PAX2: variants seen among roughly 807,000 people sequenced by gnomAD.
PAX2 encodes paired box protein Pax-2.
A neutral mutation model predicts 41.7 loss-of-function variants in PAX2; 9 were observed. The observed-to-expected ratio is 0.22, with a 90% CI of 0.13 to 0.38. The LOEUF (loss-of-function observed/expected upper bound fraction) is 0.38. PAX2 is among the 10% of genes least tolerant of loss of function. The pLI is 1.00. For synonymous variants in PAX2, 221 were observed against 212.7 expected (o/e 1.04, Z -0.34); for missense variants, 418 against 531.6 (o/e 0.79, Z 2.10).
intron 5 of PAX2, among the ~76,000 whole-genome samples, chr10:100,804,350 G>T (rs1275343828): frequency 1.3e-5 from 2 of 151,454 alleles, no homozygotes; most frequent in Admixed American, 6.6e-5. Flanking sequence ...TCTACACAGA[G>T]GCATGAGGAG....
intron 5 of PAX2, among the ~76,000 whole-genome samples, chr10:100,789,442 A>C (rs1589858334): frequency 6.6e-6 from 1 of 152,240 alleles, no homozygotes; most frequent in South Asian, 2.1e-4. Context: ...TGCTCTGTGG[A>C]TTATTGGTGG....
In PAX2 at chr10:100,750,316, G is replaced by A. The variant is rs187962632; in HGVS notation, c.213-378G>A. ...CAGAAGGAGGGTCCTGGTTCCCACA[G>A]ATGCTCTGTGCCCAGTAGGAAAGGG... On this transcript the variant is annotated intron_variant, in intron 2 of 9. Coordinates refer to ENST00000355243, the MANE Select transcript of PAX2 (RefSeq NM_000278.5). The surrounding 1 kb of genome is among the most constrained non-coding windows in gnomAD (Gnocchi z 4.1). Among the ~76,000 whole-genome samples the A allele has an allele frequency of 1.3e-5, 2 of 152,130 alleles. No individual in the cohort carries two copies. The highest frequency in any genetic ancestry group is 4.8e-5 in the African/African-American group (2 of 41,430).
intron 3 of PAX2, among the ~76,000 whole-genome samples, chr10:100,758,931 G>A (rs1015257144): frequency 6.6e-6 from 1 of 152,210 alleles, no homozygotes; most frequent in Non-Finnish European, 1.5e-5. Context: ...CCCTATAGCC[G>A]GAGGAGGAGA....
In PAX2 at chr10:100,750,641, C is replaced by A. The variant is rs1287116733; in HGVS notation, c.213-53C>A. ...CAGCAGCTCTGGAACCTGCAGCCCC[C>A]CTGCCCCGCCACAGTCCGCTTCTGG... is the stretch of plus-strand genomic sequence containing the variant. On this transcript the variant is annotated intron_variant, in intron 2 of 9. Coordinates refer to ENST00000355243, the MANE Select transcript of PAX2 (RefSeq NM_000278.5). This position sits in a 1 kb window ranked among gnomAD's most constrained non-coding sequence, Gnocchi z 4.1. 4 of 1,516,340 alleles carry A rather than the reference C, an allele frequency of 2.6e-6. No individual in the cohort carries two copies. The highest frequency in any genetic ancestry group is 1.4e-5 in the African/African-American group (1 of 73,074). The allele number at this position is 1,516,340 out of a possible 1,614,324, so 93.9% of individuals were successfully genotyped here.
Position 100,749,665 on chromosome 10 carries a change from C to T in PAX2, c.44-81C>T, listed in dbSNP as rs747415760. 2.1e-5 allele frequency: 32 copies of T among 1,546,226 alleles called. No individual in the cohort carries two copies. The African/African-American group carries it at 3.5e-4, about 17-fold the overall frequency. ...CTTCCGCCCTGCCTGCTTCCTTCGC[C>T]CGTCCCGGGCCGCGGACCCTGACTA... On this transcript the variant is annotated intron_variant, in intron 1 of 9. Transcript: ENST00000355243.
intron 3 of PAX2, among the ~76,000 whole-genome samples, chr10:100,757,599 C>T (rs950452210): frequency 4.6e-5 from 7 of 152,234 alleles, no homozygotes; most frequent in African/African-American, 1.7e-4. Flanking sequence ...CCAACACAAT[C>T]CTTCCTCCAA....
chr10:100,760,048 G>A (rs1446396479), intron 3 of PAX2, among the ~76,000 whole-genome samples: 1 of 152,182 alleles, frequency 6.6e-6, no homozygotes, highest in African/African-American at 2.4e-5. Context: ...TGATTTTGGA[G>A]GGCAAGCAGT....
intron 5 of PAX2, among the ~76,000 whole-genome samples, chr10:100,803,280 C>T (rs1005653948): frequency 2.0e-5 from 3 of 151,990 alleles, no homozygotes; most frequent in Non-Finnish European, 4.4e-5. Context: ...CCCTTTCTTC[C>T]CCTCCTTCTT....
chr10:100,825,118 A>G (rs1012646390), intron 8 of PAX2: 2 of 782,594 alleles, frequency 2.6e-6, no homozygotes. Context: ...CCTGGTTTCC[A>G]TGGAAACTTG....
intron 7 of PAX2, among the ~76,000 whole-genome samples, chr10:100,823,709 C>G (rs1028725448): frequency 2.6e-5 from 4 of 151,998 alleles, no homozygotes; most frequent in Non-Finnish European, 5.9e-5. Context: ...GGGGAGAAAG[C>G]AAATTATTAT....
At position 100,806,454 on chromosome 10, in the gene PAX2, A is replaced by G. The variant is rs148402788; in HGVS notation, c.641A>G (p.Asn214Ser). The G allele has an allele frequency of 3.5e-5, 56 of 1,614,224 alleles. No homozygotes were observed. The highest frequency in any genetic ancestry group is 3.3e-4 in the Middle Eastern group (2 of 6,062). ...GATGTGTCTGAGGGCTCAGTCCCCA[A>G]TGGAGATTCCCAGAGTGGTGTGGAC... The part of the protein sequence containing the change: ...DEDVSEGSVP[N>S]GDSQSGVDSL... Residue 214 changes from asparagine (N) to serine (S), a missense_variant, in exon 6 of 10, where the codon AAT becomes AGT. By Grantham distance (46) the Asn-to-Ser change is conservative. Around this residue, in one of 2 missense-constraint regions of PAX2, gnomAD observed 310 missense variants for 325.2 expected, o/e 0.95. Coordinates refer to ENST00000355243, the MANE Select transcript of PAX2 (RefSeq NM_000278.5).
intron 5 of PAX2, among the ~76,000 whole-genome samples, chr10:100,804,016 G>T (rs1283813424): frequency 6.6e-6 from 1 of 152,176 alleles, no homozygotes; most frequent in African/African-American, 2.4e-5. Context: ...GGATTAAGTA[G>T]TGTATTATAC....
intron 3 of PAX2, among the ~76,000 whole-genome samples, chr10:100,755,996 G>A (rs1394961985): frequency 1.3e-5 from 2 of 152,216 alleles, no homozygotes; most frequent in Non-Finnish European, 2.9e-5. Context: ...GACAGGCAAT[G>A]TTGGAAGTTG....
rs1386357391 is a variant in PAX2 at position 100,745,741 on chromosome 10, C to A, written c.-520C>A. ...GCCTGGCCCGCGCGCTCCCCTCCCGCAGGCGCCACCTCGGACATCCCCGGG... is the reference window on the plus strand; with the variant it reads ...GCCTGGCCCGCGCGCTCCCCTCCCGAAGGCGCCACCTCGGACATCCCCGGG... On this transcript the variant is annotated 5_prime_UTR_variant, in exon 1 of 10. Transcript: ENST00000355243. The A allele has an allele frequency of 9.6e-7, 1 of 1,041,274 alleles. No homozygotes were observed. Among genetic ancestry groups the A allele is most frequent in the African/African-American group, 1.7e-5 (1 of 59,498 alleles). 64.5% of individuals were successfully genotyped at this position (1,041,274 alleles called of 1,614,324 possible). A position where few individuals can be genotyped will look rare whatever the true frequency, so the allele number is the denominator to read the frequency against.
chr10:100,814,370 A>AT (rs1848113874), intron 7 of PAX2, among the ~76,000 whole-genome samples: 1 of 151,552 alleles, frequency 6.6e-6, no homozygotes, highest in Admixed American at 6.6e-5. Flanking sequence ...AAAAAAAAAA[A>AT]AAAAGATCAA....
At position 100,827,085 on chromosome 10, in the gene PAX2, C is replaced by T; in HGVS notation, c.1098C>T (p.Pro366=). 1 of 1,612,734 alleles carries T rather than the reference C, an allele frequency of 6.2e-7. No homozygotes were observed. Among genetic ancestry groups the T allele is most frequent in the Non-Finnish European group, 8.5e-7 (1 of 1,178,786 alleles). The change falls in exon 9 of 10, where the codon CCC becomes CCT. Residue 366 remains proline (P), a synonymous_variant. Coordinates refer to ENST00000355243, the MANE Select transcript of PAX2 (RefSeq NM_000278.5). This position sits in a 1 kb window ranked among gnomAD's most constrained non-coding sequence, Gnocchi z 8.5. ...AYNEAWRFSN[P]ALLSSPYYYS... ...ACGAGGCTTGGAGATTCAGCAACCCCGCCTTACTAAGTGAGTACGCCACCT... is the reference window on the plus strand; with the variant it reads ...ACGAGGCTTGGAGATTCAGCAACCCTGCCTTACTAAGTGAGTACGCCACCT...
chr10:100,775,735 C>A (rs970568945), intron 3 of PAX2, among the ~76,000 whole-genome samples: 4 of 152,208 alleles, frequency 2.6e-5, no homozygotes, highest in Non-Finnish European at 5.9e-5. Flanking sequence ...GCCCAGTGAG[C>A]TCACAGAAGC....
In PAX2 at chr10:100,779,478, C is replaced by T; in HGVS notation, c.411-20C>T. 5.1e-6 allele frequency: 8 copies of T among 1,567,376 alleles called. No homozygotes were observed. Among genetic ancestry groups the T allele is most frequent in the Non-Finnish European group, 6.9e-6 (8 of 1,153,080 alleles). ...AGGAGTGGGCATTTGATGTGTGATG[C>T]TGTTGTGACGCTGTTGCAGAATCAT... On this transcript the variant is annotated intron_variant, in intron 3 of 9. Coordinates refer to ENST00000355243, the MANE Select transcript of PAX2 (RefSeq NM_000278.5).
chr10:100,765,950 G>A (rs768568319), intron 3 of PAX2, among the ~76,000 whole-genome samples: 1 of 151,690 alleles, frequency 6.6e-6, no homozygotes, highest in Non-Finnish European at 1.5e-5. Flanking sequence ...CATCATCATA[G>A]TGGTTAACAA....
Sources: allele counts gnomAD v4.1 joint callset (sites outside exome capture counted in the v4.1 genomes callset), GRCh38; gene constraint gnomAD v4.1.1; regional missense constraint gnomAD v4.1.1; non-coding constraint Gnocchi (gnomAD v3.1); transcripts MANE v1.5; gene names NCBI Gene and HGNC (gene_info 2026-07-23, HGNC 2026-07-21).